The following CFAP77 variants were observed in gnomAD, a reference collection of about 807,000 sequenced individuals.
The protein encoded by CFAP77 is cilia and flagella associated protein 77, also known as cilia- and flagella-associated protein 77.
A neutral mutation model predicts 31.1 loss-of-function variants in CFAP77; 25 were observed. The observed-to-expected ratio is 0.80, with a 90% CI of 0.59 to 1.12. The LOEUF (loss-of-function observed/expected upper bound fraction) is 1.12, where lower values mean the gene tolerates loss of function less well. Among genes scored for constraint, CFAP77 ranks in the 50% most tolerant of loss-of-function variants. CFAP77 has a pLI of 0.00. For missense variants in CFAP77, 377 were observed against 397.3 expected (o/e 0.95, Z 0.44); for synonymous variants, 151 against 159.9 (o/e 0.94, Z 0.42).
At chr9:132,485,463 C>T (rs1164977514) in intron 1 of CFAP77, among the ~76,000 whole-genome samples, 7 of 152,188 alleles carry the variant, frequency 4.6e-5, no homozygotes, top group South Asian at 2.1e-4. Flanking sequence ...AAAACTGTCA[C>T]GTCCCAATCA....
Position 132,572,568 on chromosome 9 carries a change from A to C in CFAP77, c.*58A>C. On this transcript the variant is annotated 3_prime_UTR_variant, in exon 6 of 6. Coordinates refer to ENST00000393216, the MANE Select transcript of CFAP77 (RefSeq NM_001282957.2). The stretch of plus-strand genomic sequence containing the variant: ...GACATAGTGGAAAATTCCCAGAAGG[A>C]CTCCCTATCTTGCCCCAACCCTGAC... 1 of 1,537,158 alleles carries C rather than the reference A, an allele frequency of 6.5e-7. No homozygotes were observed. The highest frequency in any genetic ancestry group is 8.8e-7 in the Non-Finnish European group (1 of 1,142,494).
intron 3 of CFAP77, among the ~76,000 whole-genome samples, chr9:132,532,031 G>A (rs1002363981): frequency 5.9e-5 from 9 of 152,188 alleles, no homozygotes; most frequent in African/African-American, 2.2e-4. Context: ...AGAAAACACA[G>A]CTATAAATTA....
At position 132,486,040 on chromosome 9, in the gene CFAP77, ATGTATG is replaced by A. The variant is rs1364574490; in HGVS notation, c.196-12653_196-12648del. On this transcript the variant is annotated intron_variant, in intron 1 of 5. Transcript: ENST00000393216. ...TATATATATATATATATATATATAT[ATGTATG>A]TATATGTATGTGTGTGTGTGTATAT... Among the ~76,000 whole-genome samples, 57 of 32,358 alleles carry A rather than the reference ATGTATG, an allele frequency of 1.8e-3. 6 individuals carry two copies. Among genetic ancestry groups the A allele is most frequent in the African/African-American group, 0.012 (27 of 2,298 alleles). 21.2% of individuals were successfully genotyped at this position (32,358 alleles called of 152,430 possible). A position where few individuals can be genotyped will look rare whatever the true frequency, so the allele number is the denominator to read the frequency against.
intron 5 of CFAP77, among the ~76,000 whole-genome samples, chr9:132,546,416 G>A (rs7864386): frequency 0.5 from 76,201 of 151,586 alleles, 20,113 homozygotes; most frequent in East Asian, 0.78. Context: ...AGCGCTTCCA[G>A]AAAAGTTGAG....
At position 132,561,393 on chromosome 9, in the gene CFAP77, G is replaced by A. The variant is rs185491801; in HGVS notation, c.733-10995G>A. Among the ~76,000 whole-genome samples, 11 of 148,830 alleles carry A rather than the reference G, an allele frequency of 7.4e-5. No homozygotes were observed. In the East Asian group the frequency reaches 2.0e-3, roughly 27 times the overall value. ...CCCCCCAAATCCTCCCTTTTGCCTT[G>A]TTAGTCTCCAGACCTGGCACTGGAA... On this transcript the variant is annotated intron_variant, in intron 5 of 5. Transcript: ENST00000393216.
In CFAP77 at chr9:132,561,654, CACACACA is replaced by C. The variant is rs1301455130; in HGVS notation, c.733-10733_733-10727del. Among the ~76,000 whole-genome samples the C allele has an allele frequency of 3.5e-3, 325 of 92,490 alleles. 4 individuals are homozygous for C. The highest frequency in any genetic ancestry group is 0.012 in the East Asian group (49 of 4,170). The allele number at this position is 92,490 out of a possible 152,430, so 60.7% of individuals were successfully genotyped here. A position where few individuals can be genotyped will look rare whatever the true frequency, so the allele number is the denominator to read the frequency against. ...ACACACACACACACACACACACACA[CACACACA>C]CCCCCTCCATGTGTCTCTGGGATGG... On this transcript the variant is annotated intron_variant, in intron 5 of 5. Coordinates refer to ENST00000393216, the MANE Select transcript of CFAP77 (RefSeq NM_001282957.2).
At chr9:132,553,721 C>T (rs973435398) in intron 5 of CFAP77, among the ~76,000 whole-genome samples, 3 of 152,214 alleles carry the variant, frequency 2.0e-5, no homozygotes, top group African/African-American at 7.2e-5. Flanking sequence ...CACGTTGCAA[C>T]AACAGTGGAC....
At chr9:132,493,054 C>T (rs1851676115) in intron 1 of CFAP77, among the ~76,000 whole-genome samples, 1 of 152,104 alleles carries the variant, frequency 6.6e-6, no homozygotes, top group Admixed American at 6.5e-5. Flanking sequence ...TCACAAAGCC[C>T]CGTGGGTGGC....
At chr9:132,486,929 G>T (rs1589880970) in intron 1 of CFAP77, among the ~76,000 whole-genome samples, 1 of 152,252 alleles carries the variant, frequency 6.6e-6, no homozygotes, top group Non-Finnish European at 1.5e-5. Context: ...AACAGAGCAG[G>T]CAGCCGGAAG....
At chr9:132,531,541 G>T (rs769515080) in intron 3 of CFAP77, among the ~76,000 whole-genome samples, 14 of 151,104 alleles carry the variant, frequency 9.3e-5, no homozygotes, top group Non-Finnish European at 1.6e-4. Context: ...TGGCATGAAT[G>T]TCAGGAAGGA....
intron 1 of CFAP77, among the ~76,000 whole-genome samples, chr9:132,414,810 T>C (rs920371350): frequency 6.6e-6 from 1 of 152,200 alleles, no homozygotes; most frequent in Non-Finnish European, 1.5e-5. Context: ...CTGGGATCAT[T>C]ATCATTATCA....
chr9:132,457,709 C>A (rs1021312777), intron 1 of CFAP77, among the ~76,000 whole-genome samples: 1 of 152,214 alleles, frequency 6.6e-6, no homozygotes. Flanking sequence ...GCGTTCCGCA[C>A]GCCACCTTGG....
rs2118960816 is a variant in CFAP77, at chr9:132,498,836, G to A, written c.295+42G>A. On this transcript the variant is annotated intron_variant, in intron 2 of 5. Transcript: ENST00000393216. This position sits in a 1 kb window ranked among gnomAD's most constrained non-coding sequence, Gnocchi z 4.2. ...GGAGCATGAGGGCAGAGGAGTGGGA[G>A]GGAGGCTCACCCCTCTTCACAGACC... The A allele has an allele frequency of 7.0e-7, 1 of 1,426,026 alleles. No individual in the cohort carries two copies. Among genetic ancestry groups the A allele is most frequent in the Non-Finnish European group, 9.8e-7 (1 of 1,024,776 alleles). 88.3% of individuals were successfully genotyped at this position (1,426,026 alleles called of 1,614,324 possible).
intron 3 of CFAP77, among the ~76,000 whole-genome samples, chr9:132,510,306 C>A (rs981803974): frequency 1.2e-4 from 18 of 152,252 alleles, no homozygotes; most frequent in African/African-American, 4.1e-4. Context: ...GGGAGGGGCA[C>A]AGCGAAAGCC....
At chr9:132,530,143 T>C (rs1336867679) in intron 3 of CFAP77, among the ~76,000 whole-genome samples, 4 of 147,802 alleles carry the variant, frequency 2.7e-5, no homozygotes, top group African/African-American at 7.4e-5. Flanking sequence ...TTTCTTTTTT[T>C]TTTTTTTTTT....
intron 1 of CFAP77, among the ~76,000 whole-genome samples, chr9:132,459,900 TAGTGTGTG>T (rs1462756362): frequency 1.3e-5 from 2 of 150,464 alleles, no homozygotes; most frequent in African/African-American, 4.9e-5. Context: ...GTGAGTGTGT[TAGTGTGTG>T]AGTGTGAGTT....
intron 1 of CFAP77, among the ~76,000 whole-genome samples, chr9:132,435,586 C>T (rs1388123388): frequency 2.0e-5 from 3 of 152,134 alleles, no homozygotes; most frequent in Admixed American, 6.5e-5. Flanking sequence ...AAGGCTTGGC[C>T]CCTGGGGTGG....
chr9:132,432,073 A>G (rs1850420255), intron 1 of CFAP77, among the ~76,000 whole-genome samples: 1 of 152,220 alleles, frequency 6.6e-6, no homozygotes, highest in South Asian at 2.1e-4. Context: ...AGACAGGGAA[A>G]AATAACACAC....
chr9:132,448,341 A>C (rs1044680550), intron 1 of CFAP77, among the ~76,000 whole-genome samples: 17 of 152,196 alleles, frequency 1.1e-4, no homozygotes, highest in African/African-American at 3.6e-4. Context: ...ATCACTGCTG[A>C]GGCCTTTCTC....
Sources: allele counts gnomAD v4.1 joint callset (sites outside exome capture counted in the v4.1 genomes callset), GRCh38; gene constraint gnomAD v4.1.1; non-coding constraint Gnocchi (gnomAD v3.1); transcripts MANE v1.5; gene names NCBI Gene and HGNC (gene_info 2026-07-23, HGNC 2026-07-21).